ERG: variants seen among roughly 807,000 people sequenced by gnomAD.
ERG encodes transcriptional regulator ERG.
In ERG, 9 loss-of-function variants were observed where a neutral mutation model predicts 55.3. The ratio of observed to expected loss-of-function variants is 0.16; its 90% CI spans 0.10 to 0.28. ERG has a LOEUF of 0.28. Among genes scored for constraint, ERG ranks in the 10% least tolerant of loss-of-function variants. The pLI is 1.00. For synonymous variants in ERG, 223 were observed against 237.3 expected, an observed-to-expected ratio of 0.94 and a Z score of 0.55; for missense variants, 434 against 631.6, an observed-to-expected ratio of 0.69 and a Z score of 3.35.
intron 3 of ERG, among the ~76,000 whole-genome samples, chr21:38,414,938 G>A (rs996464577): frequency 2.0e-5 from 3 of 152,096 alleles, no homozygotes; most frequent in African/African-American, 7.2e-5. Flanking sequence ...TAGCACTGTA[G>A]AAATGTAAAA....
chr21:38,397,527 G>C (rs1340585196), intron 6 of ERG, among the ~76,000 whole-genome samples: 1 of 147,586 alleles, frequency 6.8e-6, no homozygotes, highest in Non-Finnish European at 1.5e-5. Context: ...GAACTCGGGA[G>C]GCAGAGGTTG....
chr21:38,562,222 C>T (rs1417711828), intron 2 of ERG, among the ~76,000 whole-genome samples: 2 of 151,858 alleles, frequency 1.3e-5, no homozygotes, highest in African/African-American at 2.4e-5. Context: ...TATATATACA[C>T]ATGCATACAT....
At chr21:38,649,755 T>C (rs1214895694) in intron 1 of ERG, among the ~76,000 whole-genome samples, 1 of 152,202 alleles carries the variant, frequency 6.6e-6, no homozygotes, top group Non-Finnish European at 1.5e-5. Flanking sequence ...ACGTTCCTTA[T>C]AGGACGAAAC....
intron 1 of ERG, among the ~76,000 whole-genome samples, chr21:38,622,511 A>C (rs541305375): frequency 6.6e-6 from 1 of 150,694 alleles, no homozygotes; most frequent in Admixed American, 6.6e-5. Context: ...CACACACACC[A>C]CACACACACC....
intron 2 of ERG, among the ~76,000 whole-genome samples, chr21:38,527,154 T>A (rs1192954664): frequency 6.6e-6 from 1 of 152,202 alleles, no homozygotes; most frequent in Non-Finnish European, 1.5e-5. Context: ...AAACATGGCC[T>A]ATCCCACACT....
chr21:38,392,572 A>C, intron 6 of ERG, 128 bp from the exon 7 acceptor site: 1 of 601,112 alleles, frequency 1.7e-6, no homozygotes, highest in Non-Finnish European at 2.7e-6. Context: ...ATCCAAAGAA[A>C]TATCCCACTA....
At position 38,660,201 on chromosome 21, in the gene ERG, C is replaced by T. The variant is rs539111488; in HGVS notation, c.-150+1457G>A. On this transcript the variant is annotated intron_variant, in intron 1 of 10. Transcript: ENST00000398910. ...AGGCCAAGCGTCAGCTTTTTTAGTT[C>T]AACCCTGATTTCCACTCCAGACAAG... Among the ~76,000 whole-genome samples the T allele has an allele frequency of 3.7e-4, 57 of 152,290 alleles. 1 individual carries two copies. The highest frequency in any genetic ancestry group is 1.6e-3 in the Admixed American group (25 of 15,298).
At chr21:38,598,967 G>A (rs1337391022) in intron 1 of ERG, among the ~76,000 whole-genome samples, 1 of 152,206 alleles carries the variant, frequency 6.6e-6, no homozygotes, top group Non-Finnish European at 1.5e-5. Context: ...AGGAAAGGGG[G>A]ACATAGGCAG....
chr21:38,391,608 G>T (rs749093815), intron 8 of ERG, 51 bp downstream of exon 8: 3 of 1,421,916 alleles, frequency 2.1e-6, no homozygotes, highest in Non-Finnish European at 2.0e-6. Context: ...GAAATGTGCT[G>T]CTGAGCCTGA....
At chr21:38,650,932 A>G (rs1234494373) in intron 1 of ERG, among the ~76,000 whole-genome samples, 1 of 152,268 alleles carries the variant, frequency 6.6e-6, no homozygotes, top group African/African-American at 2.4e-5. Context: ...TAGCACTTTA[A>G]GAATGCCGTT....
chr21:38,424,761 G>A (rs555513639), intron 2 of ERG, among the ~76,000 whole-genome samples: 1 of 152,318 alleles, frequency 6.6e-6, no homozygotes, highest in African/African-American at 2.4e-5. Flanking sequence ...GACTCACAGT[G>A]TTCCAGGCTT....
intron 2 of ERG, among the ~76,000 whole-genome samples, chr21:38,539,595 CTAAAGAT>C (rs2059736489): frequency 6.6e-6 from 1 of 151,994 alleles, no homozygotes; most frequent in Admixed American, 6.6e-5. Context: ...AGTGAAAAAG[CTAAAGAT>C]TAAAGATACT....
intron 2 of ERG, among the ~76,000 whole-genome samples, chr21:38,524,363 G>A (rs2059615590): frequency 6.6e-6 from 1 of 152,230 alleles, no homozygotes; most frequent in African/African-American, 2.4e-5. Flanking sequence ...CACTGGACTA[G>A]GAATCGTTAT....
intron 6 of ERG, 131 bp from the exon 7 acceptor site, chr21:38,392,575 T>C: frequency 1.7e-6 from 1 of 601,148 alleles, no homozygotes. Context: ...CAAAGAAATA[T>C]CCCACTAGAT....
At chr21:38,643,061 G>T (rs1464849066) in intron 1 of ERG, among the ~76,000 whole-genome samples, 1 of 152,164 alleles carries the variant, frequency 6.6e-6, no homozygotes, top group East Asian at 1.9e-4. Flanking sequence ...CCACTGAAAA[G>T]AATTAAGTCA....
chr21:38,421,859 T>C (rs1989559263), intron 3 of ERG, among the ~76,000 whole-genome samples: 1 of 152,180 alleles, frequency 6.6e-6, no homozygotes, highest in Non-Finnish European at 1.5e-5. Flanking sequence ...TTTTTTTATT[T>C]TTATTATTTT....
At chr21:38,444,466 T>C (rs1307233450) in intron 2 of ERG, among the ~76,000 whole-genome samples, 1 of 152,252 alleles carries the variant, frequency 6.6e-6, no homozygotes, top group Non-Finnish European at 1.5e-5. Context: ...TGGTAGATTA[T>C]GCAACATTTC....
intron 1 of ERG, among the ~76,000 whole-genome samples, chr21:38,658,977 C>A (rs138019685): frequency 3.3e-5 from 5 of 151,956 alleles, no homozygotes; most frequent in African/African-American, 1.2e-4. Context: ...AACAGATAAA[C>A]GTGAAATCAT....
chr21:38,475,757 T>C (rs545883921), intron 1 of ERG, among the ~76,000 whole-genome samples: 1 of 152,262 alleles, frequency 6.6e-6, no homozygotes, highest in Admixed American at 6.5e-5. Flanking sequence ...TGAGCTGTGA[T>C]CTATTTGTCA....
Sources: allele counts gnomAD v4.1 joint callset (sites outside exome capture counted in the v4.1 genomes callset), GRCh38; gene constraint gnomAD v4.1.1; transcripts MANE v1.5; gene names NCBI Gene and HGNC (gene_info 2026-07-23, HGNC 2026-07-21).